ZNF804A: variants seen among roughly 807,000 people sequenced by gnomAD.
ZNF804A encodes the protein zinc finger protein 804A.
A neutral mutation model predicts 16.5 loss-of-function variants in ZNF804A; 2 were observed. The ratio of observed to expected loss-of-function variants is 0.12; its 90% CI spans 0.05 to 0.38. The LOEUF is 0.38. Ranked by LOEUF, ZNF804A falls within the 10% of genes least tolerant of loss-of-function variation. The pLI is 0.99. For missense variants in ZNF804A, 1,473 were observed against 1,390.7 expected, an observed-to-expected ratio of 1.06 and a Z score of -0.94; for synonymous variants, 534 against 489.6, an observed-to-expected ratio of 1.09 and a Z score of -1.20.
chr2:184,645,482 T>C (rs149383067), intron 1 of ZNF804A, among the ~76,000 whole-genome samples: 284 of 152,268 alleles, frequency 1.9e-3, no homozygotes, highest in Middle Eastern at 6.8e-3. Context: ...GTGATGAACG[T>C]TTTTAAATAT....
chr2:184,714,386 T>C (rs2105738524), intron 1 of ZNF804A, among the ~76,000 whole-genome samples: 1 of 152,232 alleles, frequency 6.6e-6, no homozygotes, highest in Non-Finnish European at 1.5e-5. Flanking sequence ...GCATTACTAC[T>C]CATATGTCTA....
intron 1 of ZNF804A, among the ~76,000 whole-genome samples, chr2:184,717,602 G>C (rs1009744333): frequency 6.6e-6 from 1 of 152,088 alleles, no homozygotes; most frequent in African/African-American, 2.4e-5. Context: ...TGTGGAAAAG[G>C]GTTATTGCAT....
chr2:184,873,993 A>G (rs1696014957), intron 2 of ZNF804A, among the ~76,000 whole-genome samples: 1 of 152,178 alleles, frequency 6.6e-6, no homozygotes, highest in Admixed American at 6.5e-5. Flanking sequence ...ATATTTGTAA[A>G]TTAATTAGGA....
intron 1 of ZNF804A, among the ~76,000 whole-genome samples, chr2:184,711,466 CT>C (rs1693124875): frequency 6.6e-6 from 1 of 151,744 alleles, no homozygotes; most frequent in Non-Finnish European, 1.5e-5. Flanking sequence ...TGCCTCTGCA[CT>C]CTGTTGGTTG....
intron 1 of ZNF804A, among the ~76,000 whole-genome samples, chr2:184,713,599 C>G (rs1029758473): frequency 1.3e-5 from 2 of 151,782 alleles, no homozygotes; most frequent in Non-Finnish European, 2.9e-5. Context: ...GTGCCATATA[C>G]CAACATGTAC....
intron 1 of ZNF804A, among the ~76,000 whole-genome samples, chr2:184,607,472 T>A (rs1378214820): frequency 6.6e-6 from 1 of 152,096 alleles, no homozygotes; most frequent in Non-Finnish European, 1.5e-5. Flanking sequence ...ATAAAAGGCC[T>A]TTATAAGAGA....
At chr2:184,830,602 C>T (rs1695248072) in intron 1 of ZNF804A, among the ~76,000 whole-genome samples, 1 of 152,056 alleles carries the variant, frequency 6.6e-6, no homozygotes, top group Non-Finnish European at 1.5e-5. Flanking sequence ...ACGTAAGTAT[C>T]TGTATTTTAG....
chr2:184,689,830 C>G lies in ZNF804A; in HGVS notation c.111+90760C>G, dbSNP rs545974930. ...GTTTATTCTCTCATATTCTATGTAG[C>G]CTTGGAATGTGACCTATGGTGCAAA... On this transcript the variant is annotated intron_variant, in intron 1 of 3. Coordinates refer to ENST00000302277, the MANE Select transcript of ZNF804A (RefSeq NM_194250.2). 2.6e-5 allele frequency among the ~76,000 whole-genome samples: 4 copies of G among 151,978 alleles called. No individual in the cohort carries two copies. The South Asian group carries it at 8.3e-4, about 32-fold the overall frequency.
At chr2:184,674,050 G>C (rs536834567) in intron 1 of ZNF804A, among the ~76,000 whole-genome samples, 1 of 152,124 alleles carries the variant, frequency 6.6e-6, no homozygotes, top group East Asian at 1.9e-4. Context: ...TGTAAATGCA[G>C]AGACACATTT....
chr2:184,658,230 T>A (rs1487207098), intron 1 of ZNF804A, among the ~76,000 whole-genome samples: 3 of 152,222 alleles, frequency 2.0e-5, no homozygotes, highest in Admixed American at 6.5e-5. Context: ...ACGCCTGTAA[T>A]CCCTGCACTT....
intron 1 of ZNF804A, among the ~76,000 whole-genome samples, chr2:184,674,179 G>A (rs975334878): frequency 6.6e-6 from 1 of 151,828 alleles, no homozygotes; most frequent in South Asian, 2.1e-4. Context: ...CTGTTTCATC[G>A]CAGTGCAACA....
intron 2 of ZNF804A, among the ~76,000 whole-genome samples, chr2:184,924,197 T>C (rs1685574201): frequency 6.6e-6 from 1 of 151,922 alleles, no homozygotes; most frequent in Admixed American, 6.6e-5. Context: ...AGTCATCAGG[T>C]GCTGGGATTT....
At chr2:184,921,078 G>A (rs936111582) in intron 2 of ZNF804A, among the ~76,000 whole-genome samples, 4 of 152,116 alleles carry the variant, frequency 2.6e-5, no homozygotes, top group Non-Finnish European at 5.9e-5. Context: ...TATTGGCCTG[G>A]TTGGTGGGAC....
chr2:184,630,570 A>G (rs1450090114), intron 1 of ZNF804A, among the ~76,000 whole-genome samples: 2 of 152,192 alleles, frequency 1.3e-5, no homozygotes, highest in African/African-American at 4.8e-5. Flanking sequence ...ACTTCTAAAT[A>G]TAATCCTGAA....
chr2:184,927,596 C>G (rs1025432113), intron 2 of ZNF804A, among the ~76,000 whole-genome samples: 4 of 152,168 alleles, frequency 2.6e-5, no homozygotes, highest in African/African-American at 9.6e-5. Flanking sequence ...CCAGGTGGGT[C>G]CAGAGGTTAT....
rs183260490 is a variant in ZNF804A at position 184,692,571 on chromosome 2, G to A, written c.111+93501G>A. ...TTTTGTGGCAGCCCCCAGGATTTAT[G>A]TGTAATATCCTATGTCCTTTCAATG... On this transcript the variant is annotated intron_variant, in intron 1 of 3. Coordinates refer to ENST00000302277, the MANE Select transcript of ZNF804A (RefSeq NM_194250.2). Among the ~76,000 whole-genome samples the A allele has an allele frequency of 2.5e-4, 38 of 152,318 alleles. 1 individual carries two copies. In the East Asian group the frequency reaches 6.2e-3, roughly 25 times the overall value.
At chr2:184,732,378 C>T (rs1279330622) in intron 1 of ZNF804A, among the ~76,000 whole-genome samples, 1 of 151,950 alleles carries the variant, frequency 6.6e-6, no homozygotes, top group African/African-American at 2.4e-5. Context: ...GACCTTCTAT[C>T]ATGTTTCATT....
At chr2:184,902,433 G>C (rs375254941) in intron 2 of ZNF804A, 15 of 152,880 alleles carry the variant, frequency 9.8e-5, no homozygotes, top group Admixed American at 9.2e-4. Flanking sequence ...GCCACCAGAA[G>C]GTGGGTGATG....
At chr2:184,637,552 G>A (rs923868392) in intron 1 of ZNF804A, among the ~76,000 whole-genome samples, 4 of 152,054 alleles carry the variant, frequency 2.6e-5, no homozygotes, top group African/African-American at 9.7e-5. Flanking sequence ...TTATGGCCAG[G>A]TTCCTAATCT....
Sources: gnomAD v4.1 joint callset for allele counts (sites outside exome capture counted in the v4.1 genomes callset) on GRCh38, gnomAD v4.1.1 for gene constraint, MANE v1.5 for transcripts, NCBI Gene and HGNC (gene_info 2026-07-23, HGNC 2026-07-21) for gene names.